TTC14: variants seen among roughly 807,000 people sequenced by gnomAD.
The protein encoded by TTC14 is tetratricopeptide repeat protein 14.
In TTC14, 63 loss-of-function variants were observed where a neutral mutation model predicts 79.9. The observed-to-expected ratio is 0.79, with a 90% confidence interval of 0.64 to 0.97. The LOEUF is 0.97. Among genes scored for constraint, TTC14 ranks in the 50% least tolerant of loss-of-function variants. TTC14 has a pLI of 0.00. For synonymous variants in TTC14, 335 were observed against 309.6 expected (o/e 1.08, Z -0.86); for missense variants, 895 against 894.0 (o/e 1.00, Z -0.01).
downstream of TTC14, among the ~76,000 whole-genome samples, chr3:180,612,692 G>T (rs140666214): frequency 3.3e-3 from 506 of 152,298 alleles, 4 homozygotes; most frequent in Non-Finnish European, 4.7e-3. Flanking sequence ...AGCTCTGATT[G>T]TGCCACTGCA....
chr3:180,616,903 C>A, intron 12 of TTC14: 1 of 1,566,374 alleles, frequency 6.4e-7, no homozygotes, highest in Non-Finnish European at 8.8e-7. Flanking sequence ...GCCTGCTTCT[C>A]TGATAACTTT....
downstream of TTC14, among the ~76,000 whole-genome samples, chr3:180,613,636 A>G (rs1422183340): frequency 1.3e-5 from 2 of 152,224 alleles, no homozygotes; most frequent in Admixed American, 1.3e-4. Flanking sequence ...AGCTAGTAAG[A>G]TACAACCTCT....
At chr3:180,616,454 T>C in intron 12 of TTC14, 5 of 1,498,312 alleles carry the variant, frequency 3.3e-6, no homozygotes, top group Non-Finnish European at 4.5e-6. Context: ...ATGATGAATG[T>C]CATGAAAGTT....
At position 180,602,244 on chromosome 3, in the gene TTC14, G is replaced by C; in HGVS notation, c.-18G>C. The C allele has an allele frequency of 6.2e-7, 1 of 1,613,096 alleles. No individual in the cohort carries two copies. The highest frequency in any genetic ancestry group is 8.5e-7 in the Non-Finnish European group (1 of 1,179,644). Reference sequence around the variant, plus strand: ...GAACTATCAGCCCGTCGGCCTCCGGGCCCTGCATTCTCTAGCCATGGACCG... The same window carrying C: ...GAACTATCAGCCCGTCGGCCTCCGGCCCCTGCATTCTCTAGCCATGGACCG... On this transcript the variant is annotated 5_prime_UTR_variant, in exon 1 of 12. Transcript: ENST00000296015.
chr3:180,607,871 G>A (rs1232688397), intron 10 of TTC14, 106 bp downstream of exon 10: 15 of 1,510,774 alleles, frequency 9.9e-6, no homozygotes, highest in Admixed American at 5.0e-5. Flanking sequence ...AAGGCATTAT[G>A]AAAAGTTTCT....
At chr3:180,609,504 T>G in intron 11 of TTC14, 126 bp from the exon 12 acceptor site, 1 of 1,336,570 alleles carries the variant, frequency 7.5e-7, no homozygotes, top group East Asian at 2.8e-5. Context: ...TAGCCGAGAT[T>G]ATTGTATCAT....
intron 12 of TTC14, chr3:180,616,720 T>C (rs765281179): frequency 1.3e-6 from 2 of 1,578,692 alleles, no homozygotes; most frequent in African/African-American, 1.4e-5. Context: ...TAGTCAATTA[T>C]TCTATAAACG....
At position 180,606,547 on chromosome 3, in the gene TTC14, A is replaced by G. The variant is rs1252248017; in HGVS notation, c.1116A>G (p.Pro372=). 1.9e-6 allele frequency: 3 copies of G among 1,614,028 alleles called. No individual in the cohort carries two copies. Among genetic ancestry groups the G allele is most frequent in the Non-Finnish European group, 2.5e-6 (3 of 1,179,918 alleles). Residue 372 remains proline (P), a synonymous_variant, in exon 9 of 12, where the codon CCA becomes CCG. Coordinates refer to ENST00000296015, the MANE Select transcript of TTC14 (RefSeq NM_133462.4). ...TTGAGCTTGCATTAGAAAACTGTCC[A>G]ACTCACAGAAATGCAAGAAAATACC... ...EDFELALENC[P]THRNARKYLC... is the part of the protein sequence containing the mutation.
chr3:180,603,959 A>T, intron 3 of TTC14: 1 of 411,570 alleles, frequency 2.4e-6, no homozygotes, highest in Non-Finnish European at 4.3e-6. Context: ...TTTGTTTTTG[A>T]TGCATGTTGT....
downstream of TTC14, chr3:180,614,989 T>C (rs977401121): frequency 5.1e-6 from 8 of 1,564,008 alleles, no homozygotes; most frequent in Admixed American, 9.5e-5. Context: ...CTAGAAGGGC[T>C]GCCTACTAGT....
At chr3:180,607,828 C>A in intron 10 of TTC14, 63 bp downstream of exon 10, 1 of 1,588,104 alleles carries the variant, frequency 6.3e-7, no homozygotes, top group Non-Finnish European at 8.5e-7. Flanking sequence ...ACTTAATTTT[C>A]TCCTGAGGAA....
intron 12 of TTC14, chr3:180,617,377 C>T: frequency 1.7e-6 from 1 of 583,730 alleles, no homozygotes. Context: ...TATTATTTTA[C>T]AGTGTACTCC....
chr3:180,612,183 T>A (rs2108400838), downstream of TTC14, among the ~76,000 whole-genome samples: 1 of 152,324 alleles, frequency 6.6e-6, no homozygotes, highest in African/African-American at 2.4e-5. Flanking sequence ...GAGTGAAAAC[T>A]ACTTCTTGGC....
downstream of TTC14, among the ~76,000 whole-genome samples, chr3:180,612,079 CTTCT>C (rs1170225558): frequency 6.6e-6 from 1 of 151,880 alleles, no homozygotes; most frequent in Non-Finnish European, 1.5e-5. Flanking sequence ...CAAGAAGAAG[CTTCT>C]TTAAGAAATT....
At chr3:180,609,431 T>A in intron 11 of TTC14, 199 bp from the exon 12 acceptor site, 1 of 1,283,714 alleles carries the variant, frequency 7.8e-7, no homozygotes, top group Non-Finnish European at 9.8e-7. Context: ...TTGCTTACAA[T>A]GATACCTGTC....
intron 3 of TTC14, chr3:180,603,948 G>C: frequency 1.0e-5 from 4 of 381,858 alleles, no homozygotes; most frequent in Non-Finnish European, 1.9e-5. Context: ...ACAAATTTTA[G>C]TTTGTTTTTG....
chr3:180,604,316 AG>A lies in TTC14; in HGVS notation c.571+8del, dbSNP rs779051520. 28 of 1,603,938 alleles carry A rather than the reference AG, an allele frequency of 1.7e-5. No individual in the cohort carries two copies. The East Asian group carries it at 3.4e-4, about 19-fold the overall frequency. On this transcript the variant is annotated splice_region_variant and intron_variant, in intron 4 of 11. Coordinates refer to ENST00000296015, the MANE Select transcript of TTC14 (RefSeq NM_133462.4). ...ACTGGTGACATCATTCGAGGTGATT[AG>A]TTTCATCATACTAATAAAAAAGTAA...
chr3:180,602,234 C>A lies in TTC14; in HGVS notation c.-28C>A. The stretch of plus-strand genomic sequence containing the variant: ...ACGGAACAGGGAACTATCAGCCCGT[C>A]GGCCTCCGGGCCCTGCATTCTCTAG... On this transcript the variant is annotated 5_prime_UTR_variant, in exon 1 of 12. Transcript: ENST00000296015. The A allele has an allele frequency of 1.2e-6, 2 of 1,611,242 alleles. No homozygotes were observed. Among genetic ancestry groups the A allele is most frequent in the South Asian group, 1.1e-5 (1 of 90,838 alleles).
At position 180,602,990 on chromosome 3, in the gene TTC14, T is replaced by G; in HGVS notation, c.261T>G (p.Thr87=). Residue 87 remains threonine, a synonymous_variant, in exon 2 of 12, where the codon ACT becomes ACG. Transcript: ENST00000296015. ...CCTGGAAATCAGATGCACCTGCAAC[T>G]TCTGAAATTAATGAAGACAGTGAAG... ...ALSWKSDAPA[T]SEINEDSEDH... 3.7e-6 allele frequency: 6 copies of G among 1,613,666 alleles called. No individual in the cohort carries two copies. The highest frequency in any genetic ancestry group is 5.1e-6 in the Non-Finnish European group (6 of 1,179,936).
Sources: gnomAD v4.1 joint callset for allele counts (sites outside exome capture counted in the v4.1 genomes callset) on GRCh38, gnomAD v4.1.1 for gene constraint, MANE v1.5 for transcripts, NCBI Gene and HGNC (gene_info 2026-07-23, HGNC 2026-07-21) for gene names.